Variants in TAFA1 observed in about 807,000 individuals in gnomAD.
The protein encoded by TAFA1 is chemokine-like protein TAFA-1.
Under a neutral mutation model 18.5 loss-of-function variants are expected in TAFA1, and 4 were observed. The ratio of observed to expected loss-of-function variants is 0.22; its 90% confidence interval spans 0.11 to 0.49. The LOEUF is 0.49. Ranked by LOEUF, TAFA1 falls within the 20% of genes least tolerant of loss-of-function variation. The pLI is 0.98. For missense variants in TAFA1, 147 were observed against 169.0 expected, an observed-to-expected ratio of 0.87 and a Z score of 0.72; for synonymous variants, 56 against 55.2, an observed-to-expected ratio of 1.01 and a Z score of -0.06.
intron 2 of TAFA1, among the ~76,000 whole-genome samples, chr3:68,340,475 C>T (rs898108647): frequency 4.6e-5 from 7 of 152,260 alleles, no homozygotes; most frequent in Non-Finnish European, 8.8e-5. Context: ...CTCTCCTTTG[C>T]GAAGTATTAT....
intron 2 of TAFA1, among the ~76,000 whole-genome samples, chr3:68,134,532 G>A (rs546330848): frequency 6.6e-6 from 1 of 152,246 alleles, no homozygotes; most frequent in South Asian, 2.1e-4. Flanking sequence ...GGTTCTTACT[G>A]TCAGTCAGTG....
chr3:68,177,482 A>G (rs1172267955), intron 2 of TAFA1, among the ~76,000 whole-genome samples: 1 of 152,116 alleles, frequency 6.6e-6, no homozygotes, highest in Non-Finnish European at 1.5e-5. Context: ...TCATCCTGAG[A>G]CTTCTAGCTG....
intron 4 of TAFA1, among the ~76,000 whole-genome samples, chr3:68,539,823 G>A (rs2106792050): frequency 6.6e-6 from 1 of 151,956 alleles, no homozygotes; most frequent in South Asian, 2.1e-4. Flanking sequence ...GAAGTGGTGT[G>A]ATTATAGCCC....
rs189537290 is a variant in TAFA1, at chr3:68,044,787, G to T, written c.118+38043G>T. ...TGGGCAAGTTTCAAAATTTTTCTGG[G>T]TCTCTTCTCCCAGTCTTTAAGATGG... On this transcript the variant is annotated intron_variant, in intron 2 of 4. Transcript: ENST00000478136. Among the ~76,000 whole-genome samples, 49 of 152,252 alleles carry T rather than the reference G, an allele frequency of 3.2e-4. No homozygotes were observed. In the East Asian group the frequency reaches 9.5e-3, roughly 29 times the overall value.
intron 2 of TAFA1, among the ~76,000 whole-genome samples, chr3:68,316,578 CAGAAAACATAATAAAAACCTTTT>C (rs1009235964): frequency 2.0e-4 from 30 of 152,186 alleles, no homozygotes; most frequent in African/African-American, 7.0e-4. Context: ...GTAATGGGTC[CAGAAAACATAATAAAAACCTTTT>C]AGTTTTTATG....
chr3:68,224,524 T>A (rs1331203339), intron 2 of TAFA1, among the ~76,000 whole-genome samples: 1 of 152,212 alleles, frequency 6.6e-6, no homozygotes, highest in Non-Finnish European at 1.5e-5. Flanking sequence ...AGAGGTTTAT[T>A]AACCTGGAGA....
intron 3 of TAFA1, among the ~76,000 whole-genome samples, chr3:68,424,866 G>T (rs774221238): frequency 2.6e-5 from 4 of 151,870 alleles, no homozygotes; most frequent in Non-Finnish European, 5.9e-5. Context: ...ACATTTATTT[G>T]TCTCCTCTAG....
intron 2 of TAFA1, among the ~76,000 whole-genome samples, chr3:68,106,158 T>G (rs1281886998): frequency 6.6e-6 from 1 of 151,354 alleles, no homozygotes; most frequent in African/African-American, 2.4e-5. Flanking sequence ...GGAATTCATA[T>G]GCAAAAAAAA....
At chr3:68,482,758 T>A (rs1431713541) in intron 3 of TAFA1, among the ~76,000 whole-genome samples, 2 of 152,140 alleles carry the variant, frequency 1.3e-5, no homozygotes, top group African/African-American at 4.8e-5. Flanking sequence ...GTAGCCAGGG[T>A]GATGGATTCA....
intron 2 of TAFA1, among the ~76,000 whole-genome samples, chr3:68,188,074 T>C (rs1398401743): frequency 6.6e-6 from 1 of 152,022 alleles, no homozygotes; most frequent in Non-Finnish European, 1.5e-5. Flanking sequence ...TTGTTATCTC[T>C]GTTCCATATT....
At chr3:68,305,421 A>ATGAC (rs1559608910) in intron 2 of TAFA1, among the ~76,000 whole-genome samples, 34 of 63,364 alleles carry the variant, frequency 5.4e-4, no homozygotes, top group South Asian at 1.6e-3. Context: ...ATATATATAT[A>ATGAC]TATATATATA....
chr3:68,425,258 G>C (rs532546657), intron 3 of TAFA1, among the ~76,000 whole-genome samples: 1 of 152,092 alleles, frequency 6.6e-6, no homozygotes, highest in African/African-American at 2.4e-5. Context: ...GAAATACTGA[G>C]ATAATGAATT....
At chr3:68,001,776 G>T (rs889373093), upstream of TAFA1, among the ~76,000 whole-genome samples, 43 of 152,124 alleles carry the variant, frequency 2.8e-4, no homozygotes, top group African/African-American at 1.0e-3. Context: ...ACTAGATGAT[G>T]CTGCAATAAC....
At chr3:68,298,465 T>C (rs931106263) in intron 2 of TAFA1, among the ~76,000 whole-genome samples, 5 of 152,094 alleles carry the variant, frequency 3.3e-5, no homozygotes, top group African/African-American at 1.2e-4. Context: ...GATCAAAAAA[T>C]CTTGTAGCTA....
intron 2 of TAFA1, among the ~76,000 whole-genome samples, chr3:68,242,737 G>T (rs1373940331): frequency 1.3e-5 from 2 of 152,050 alleles, no homozygotes; most frequent in Admixed American, 1.3e-4. Context: ...CTGTCATTTT[G>T]ATGTAGACTA....
Position 68,148,252 on chromosome 3 carries a change from A to G in TAFA1, c.118+141508A>G, listed in dbSNP as rs554448971. Among the ~76,000 whole-genome samples, 256 of 152,300 alleles carry G rather than the reference A, an allele frequency of 1.7e-3. No homozygotes were observed. In the Middle Eastern group the frequency reaches 0.02, roughly 12 times the overall value. On this transcript the variant is annotated intron_variant, in intron 2 of 4. Transcript: ENST00000478136. ...CCACAAATTTGTCCTACCTCTGGTA[A>G]ACATATGACCTTTTGAACTATTTGA... is the stretch of plus-strand genomic sequence containing the variant.
intron 3 of TAFA1, among the ~76,000 whole-genome samples, chr3:68,468,583 C>A (rs1335674406): frequency 6.6e-6 from 1 of 152,180 alleles, no homozygotes; most frequent in Admixed American, 6.5e-5. Flanking sequence ...CCAAATCGGT[C>A]ACACTGACCA....
intron 2 of TAFA1, among the ~76,000 whole-genome samples, chr3:68,173,398 G>A (rs1575660424): frequency 1.3e-5 from 2 of 151,744 alleles, no homozygotes; most frequent in African/African-American, 2.4e-5. Flanking sequence ...ACATTTCTGG[G>A]TGTGAGCTGC....
intron 2 of TAFA1, among the ~76,000 whole-genome samples, chr3:68,185,702 G>T (rs1014023483): frequency 3.3e-5 from 5 of 151,898 alleles, no homozygotes; most frequent in Non-Finnish European, 5.9e-5. Flanking sequence ...TTGAGCTCAG[G>T]AGTTCCAGAC....
Sources: allele counts gnomAD v4.1 joint callset (sites outside exome capture counted in the v4.1 genomes callset), GRCh38; gene constraint gnomAD v4.1.1; transcripts MANE v1.5; gene names NCBI Gene and HGNC (gene_info 2026-07-23, HGNC 2026-07-21).